The following BACH2 variants were observed in gnomAD, a reference collection of about 807,000 sequenced individuals.
The protein encoded by BACH2 is transcription regulator protein BACH2.
BACH2 carries 5 observed loss-of-function variants against 61.8 expected under a neutral mutation model. That is an observed-to-expected ratio of 0.08 (90% CI 0.04 to 0.17). The LOEUF (loss-of-function observed/expected upper bound fraction) is 0.17. Ranked by LOEUF, BACH2 falls within the 10% of genes least tolerant of loss-of-function variation. BACH2 has a pLI of 1.00. For missense variants in BACH2, 824 were observed against 1,091.1 expected, an observed-to-expected ratio of 0.76 and a Z score of 3.45; for synonymous variants, 446 against 440.1, an observed-to-expected ratio of 1.01 and a Z score of -0.17.
At chr6:90,253,907 C>T in intron 2 of BACH2, among the ~76,000 whole-genome samples, 1 of 152,000 alleles carries the variant, frequency 6.6e-6, no homozygotes, top group Non-Finnish European at 1.5e-5. Flanking sequence ...TTTTTTTAAA[C>T]TATCATGGCA....
At chr6:90,012,576 C>T (rs953267310) in intron 5 of BACH2, among the ~76,000 whole-genome samples, 1 of 150,878 alleles carries the variant, frequency 6.6e-6, no homozygotes, top group South Asian at 2.1e-4. Context: ...TTGCAGTGAG[C>T]TGAGATTGCG....
rs145067926 is a variant in BACH2 at position 90,021,046 on chromosome 6, A to G, written c.-12-12190T>C. Among the ~76,000 whole-genome samples, 4 of 152,332 alleles carry G rather than the reference A, an allele frequency of 2.6e-5. No individual in the cohort carries two copies. In the East Asian group the frequency reaches 7.7e-4, roughly 29 times the overall value. ...TGCAGGCCAAAAAACCCAGCTGCACATGTACATACACATATACCCCAATCA... is the reference window on the plus strand; with the variant it reads ...TGCAGGCCAAAAAACCCAGCTGCACGTGTACATACACATATACCCCAATCA... On this transcript the variant is annotated intron_variant, in intron 5 of 8. Transcript: ENST00000257749.
Position 90,057,368 on chromosome 6 carries a change from T to A in BACH2, c.-13+31593A>T, listed in dbSNP as rs1007736506. Among the ~76,000 whole-genome samples, 4 of 151,878 alleles carry A rather than the reference T, an allele frequency of 2.6e-5. No homozygotes were observed. In the South Asian group the frequency reaches 8.3e-4, roughly 32 times the overall value. On this transcript the variant is annotated intron_variant, in intron 5 of 8. Coordinates refer to ENST00000257749, the MANE Select transcript of BACH2 (RefSeq NM_021813.4). Reference sequence around the variant, plus strand: ...ACCTCTACGCAAATAAACTAGAAAATCTAGAAGAAACGGATAAATTCCTCG... The same window carrying A: ...ACCTCTACGCAAATAAACTAGAAAAACTAGAAGAAACGGATAAATTCCTCG...
intron 5 of BACH2, among the ~76,000 whole-genome samples, chr6:90,037,899 A>G (rs1779340397): frequency 6.6e-6 from 1 of 152,212 alleles, no homozygotes; most frequent in African/African-American, 2.4e-5. Flanking sequence ...CCATGTGAAG[A>G]TGGAGGCAGA....
rs1353953813 is a variant in BACH2, at chr6:90,271,946, AAG to A, written c.-445-7_-445-6del. The A allele has an allele frequency of 6.6e-6, 1 of 152,354 alleles. No homozygotes were observed. Among genetic ancestry groups the A allele is most frequent in the Non-Finnish European group, 1.5e-5 (1 of 68,044 alleles). The allele number at this position is 152,354 out of a possible 1,614,324, so 9.4% of individuals were successfully genotyped here. A position where few individuals can be genotyped will look rare whatever the true frequency, so the allele number is the denominator to read the frequency against. On this transcript the variant is annotated splice_region_variant and splice_polypyrimidine_tract_variant and intron_variant, in intron 1 of 8. Coordinates refer to ENST00000257749, the MANE Select transcript of BACH2 (RefSeq NM_021813.4). ...GGAGCTATGTGAACGAACGCGCTGA[AAG>A]ACAAAACACGTTAGATCAGTTAGGT...
intron 5 of BACH2, among the ~76,000 whole-genome samples, chr6:90,025,033 C>T (rs552473116): frequency 6.6e-6 from 1 of 152,232 alleles, no homozygotes; most frequent in African/African-American, 2.4e-5. Flanking sequence ...CCCCGTTTAG[C>T]GGGCCAGAGA....
chr6:90,197,750 T>C (rs1768807833), intron 4 of BACH2, among the ~76,000 whole-genome samples: 1 of 152,124 alleles, frequency 6.6e-6, no homozygotes, highest in Admixed American at 6.6e-5. Context: ...TTAAAACTCC[T>C]GATGAAGGAC....
intron 4 of BACH2, among the ~76,000 whole-genome samples, chr6:90,092,321 C>G (rs899096497): frequency 6.2e-5 from 8 of 129,814 alleles, no homozygotes; most frequent in African/African-American, 2.4e-4. Context: ...TATATACACA[C>G]ACACACATTG....
intron 4 of BACH2, among the ~76,000 whole-genome samples, chr6:90,102,508 G>A (rs1782681201): frequency 1.3e-5 from 2 of 152,082 alleles, no homozygotes; most frequent in African/African-American, 4.8e-5. Context: ...GCCCTCCTGG[G>A]CTGGGCGTGG....
intron 4 of BACH2, among the ~76,000 whole-genome samples, chr6:90,202,145 T>C (rs1316857696): frequency 6.6e-6 from 1 of 152,226 alleles, no homozygotes. Flanking sequence ...GCACAGTGCA[T>C]GGCATATAGT....
intron 4 of BACH2, among the ~76,000 whole-genome samples, chr6:90,097,454 T>A (rs1480669101): frequency 6.6e-6 from 1 of 152,132 alleles, no homozygotes. Context: ...GGGTCCCAGG[T>A]CCCATAGCCA....
chr6:89,983,643 T>C (rs969005988), intron 6 of BACH2, among the ~76,000 whole-genome samples: 1 of 152,200 alleles, frequency 6.6e-6, no homozygotes, highest in Non-Finnish European at 1.5e-5. Context: ...CACTCCAGCC[T>C]GGGTGACAAG....
chr6:90,172,172 G>A (rs1767835822), intron 4 of BACH2, among the ~76,000 whole-genome samples: 1 of 151,984 alleles, frequency 6.6e-6, no homozygotes. Context: ...TGGGCGTGGT[G>A]GCATGCGCCT....
Position 90,114,931 on chromosome 6 carries a change from C to T in BACH2, c.-161-25822G>A, listed in dbSNP as rs1783328732. On this transcript the variant is annotated intron_variant, in intron 4 of 8. Coordinates refer to ENST00000257749, the MANE Select transcript of BACH2 (RefSeq NM_021813.4). ...CCCATTCATAATTGCTACACACACA[C>T]ACACCAAAAATACCCAGGAATACAG... 2.6e-5 allele frequency among the ~76,000 whole-genome samples: 4 copies of T among 151,506 alleles called. No individual in the cohort carries two copies. The South Asian group carries it at 6.2e-4, about 24-fold the overall frequency.
At chr6:90,109,215 T>A (rs1446106334) in intron 4 of BACH2, among the ~76,000 whole-genome samples, 1 of 152,186 alleles carries the variant, frequency 6.6e-6, no homozygotes, top group East Asian at 1.9e-4. Context: ...TTAGTGATGA[T>A]CTCCGTCTTG....
chr6:90,135,005 C>T (rs77676608), intron 4 of BACH2, among the ~76,000 whole-genome samples: 2,203 of 152,220 alleles, frequency 0.014, 52 homozygotes, highest in African/African-American at 0.051. Context: ...GAGATTTATA[C>T]TCCTGGAATA....
At chr6:90,286,842 G>A (rs1218861564) in intron 1 of BACH2, among the ~76,000 whole-genome samples, 1 of 151,890 alleles carries the variant, frequency 6.6e-6, no homozygotes, top group Non-Finnish European at 1.5e-5. Flanking sequence ...ATTGAGACTT[G>A]GAAAACAAAA....
chr6:90,123,726 C>T (rs1467132763), intron 4 of BACH2, among the ~76,000 whole-genome samples: 4 of 139,166 alleles, frequency 2.9e-5, no homozygotes, highest in East Asian at 4.1e-4. Flanking sequence ...GCCGAGATCC[C>T]GCCACTGCAC....
intron 3 of BACH2, among the ~76,000 whole-genome samples, chr6:90,223,226 C>T (rs1562513647): frequency 6.6e-6 from 1 of 152,170 alleles, no homozygotes; most frequent in Non-Finnish European, 1.5e-5. Context: ...TGCTGAGTAC[C>T]CACCACATGT....
Sources: allele counts gnomAD v4.1 joint callset (sites outside exome capture counted in the v4.1 genomes callset), GRCh38; gene constraint gnomAD v4.1.1; transcripts MANE v1.5; gene names NCBI Gene and HGNC (gene_info 2026-07-23, HGNC 2026-07-21).